Variants in RC3H1 observed in about 807,000 individuals in gnomAD.
RC3H1 encodes the protein ring finger and CCCH-type domains 1, also known as roquin-1.
In RC3H1, 50 loss-of-function variants were observed where a neutral mutation model predicts 138.2. The ratio of observed to expected loss-of-function variants is 0.36; its 90% CI spans 0.29 to 0.46. RC3H1 has a LOEUF of 0.46. Ranked by LOEUF, RC3H1 falls within the 20% of genes least tolerant of loss-of-function variation. The pLI is 1.00. For synonymous variants in RC3H1, 462 were observed against 489.1 expected (o/e 0.94, Z 0.73); for missense variants, 1,031 against 1,388.1 (o/e 0.74, Z 4.09).
rs1337084051 is a variant in RC3H1, at chr1:173,961,914, A to G, written c.2013T>C (p.Asp671=). 6.2e-7 allele frequency: 1 copy of G among 1,614,152 alleles called. No homozygotes were observed. The highest frequency in any genetic ancestry group is 1.3e-5 in the African/African-American group (1 of 75,048). ...QYPPIYPSHY[D]GRRVYPAPSY... is the part of the protein sequence containing the mutation. ...ACGGAGCAGGGTACACTCGACGGCC[A>G]TCATAGTGAGATGGGTATATAGGTG... is the stretch of plus-strand genomic sequence containing the variant. The change falls in exon 12 of 20, where the codon GAT becomes GAC. Residue 671 remains aspartate, a synonymous_variant. Coordinates refer to ENST00000367696, the MANE Select transcript of RC3H1 (RefSeq NM_172071.4).
At chr1:173,951,218 G>A (rs750486456) in intron 14 of RC3H1, among the ~76,000 whole-genome samples, 17 of 152,066 alleles carry the variant, frequency 1.1e-4, no homozygotes, top group African/African-American at 2.2e-4. Context: ...CCAGCTACTC[G>A]GGAGGCTGAG....
chr1:174,019,189 A>G (rs1157115076), intron 1 of RC3H1, among the ~76,000 whole-genome samples: 10 of 152,212 alleles, frequency 6.6e-5, no homozygotes, highest in Admixed American at 6.5e-4. Context: ...TAGCATTCAG[A>G]TATGCTAAAA....
chr1:173,936,351 T>A lies in RC3H1; in HGVS notation c.*2370A>T, dbSNP rs1419430621. 1 of 151,034 alleles carries A rather than the reference T, an allele frequency of 6.6e-6. No individual in the cohort carries two copies. Among genetic ancestry groups the A allele is most frequent in the African/African-American group, 2.4e-5 (1 of 41,196 alleles). 9.4% of individuals were successfully genotyped at this position (151,034 alleles called of 1,614,324 possible). A position where few individuals can be genotyped will look rare whatever the true frequency, so the allele number is the denominator to read the frequency against. On this transcript the variant is annotated 3_prime_UTR_variant, in exon 20 of 20. Transcript: ENST00000367696. ...CAGTCCAAATCTGCTTATAAGAAGG[T>A]TGTAGTACAAAAATTAGCTGGACGT...
At chr1:173,950,879 T>C (rs1012422584) in intron 14 of RC3H1, among the ~76,000 whole-genome samples, 16 of 151,352 alleles carry the variant, frequency 1.1e-4, no homozygotes, top group Admixed American at 1.1e-3. Context: ...AACATTTTTT[T>C]AAAAAAATTA....
chr1:174,013,016 A>C (rs1484048454), intron 1 of RC3H1, among the ~76,000 whole-genome samples: 1 of 152,016 alleles, frequency 6.6e-6, no homozygotes, highest in African/African-American at 2.4e-5. Context: ...AGGATCAAAA[A>C]CAAAATAAAA....
intron 1 of RC3H1, chr1:174,009,413 C>G (rs892843845): frequency 1.3e-5 from 2 of 152,204 alleles, no homozygotes; most frequent in African/African-American, 4.8e-5. Flanking sequence ...CCTCTGCTAT[C>G]CAACCACATG....
At chr1:174,019,824 T>A (rs1345699016) in intron 1 of RC3H1, among the ~76,000 whole-genome samples, 1 of 152,120 alleles carries the variant, frequency 6.6e-6, no homozygotes, top group Non-Finnish European at 1.5e-5. Context: ...CCCTAAATTT[T>A]TTTCCTATTG....
chr1:174,005,090 T>TA, intron 1 of RC3H1, among the ~76,000 whole-genome samples: 1 of 152,182 alleles, frequency 6.6e-6, no homozygotes, highest in Middle Eastern at 3.2e-3. Flanking sequence ...GGCCCTGACT[T>TA]ACTTTCAACA....
rs1164872218 is a variant in RC3H1 at position 173,936,484 on chromosome 1, A to T, written c.*2237T>A. The T allele has an allele frequency of 2.3e-5, 3 of 132,660 alleles. No individual in the cohort carries two copies. The highest frequency in any genetic ancestry group is 4.6e-5 in the Non-Finnish European group (3 of 64,860). The allele number at this position is 132,660 out of a possible 1,614,324, so 8.2% of individuals were successfully genotyped here. A position where few individuals can be genotyped will look rare whatever the true frequency, so the allele number is the denominator to read the frequency against. Reference sequence around the variant, plus strand: ...AGCCGAGATCAACCCACTGCACTCCAGCCTGGGCAACAGAAGCAGACTCCC... The same window carrying T: ...AGCCGAGATCAACCCACTGCACTCCTGCCTGGGCAACAGAAGCAGACTCCC... On this transcript the variant is annotated 3_prime_UTR_variant, in exon 20 of 20. Transcript: ENST00000367696.
chr1:173,946,582 G>A lies in RC3H1; in HGVS notation c.2855C>T (p.Ala952Val), dbSNP rs1659146869. The A allele has an allele frequency of 6.2e-7, 1 of 1,613,884 alleles. No individual in the cohort carries two copies. The stretch of plus-strand genomic sequence containing the variant: ...AGATGGAAGGGGTTTTCCATGACTG[G>A]CCACTTCTGACATAGATATTCTCTC... Reference protein sequence around the residue: ...ERERISMSEVASHGKPLPSAE... With the variant: ...ERERISMSEVVSHGKPLPSAE... The change falls in exon 17 of 20, where the codon GCC becomes GTC. Residue 952 changes from alanine (A) to valine (V), a missense_variant. Ala to Val is a moderately conservative substitution (Grantham distance 64, BLOSUM62 0). This residue lies in a region of RC3H1 where 716 missense variants were observed against 837.9 expected (regional missense o/e 0.85). Transcript: ENST00000367696.
At chr1:173,981,236 A>G (rs541422247) in intron 5 of RC3H1, among the ~76,000 whole-genome samples, 2 of 152,338 alleles carry the variant, frequency 1.3e-5, no homozygotes, top group Non-Finnish European at 2.9e-5. Context: ...TAGGTCTTTC[A>G]GAAAGAATAA....
chr1:173,966,920 AT>A (rs1264987989), intron 9 of RC3H1, among the ~76,000 whole-genome samples: 3 of 152,128 alleles, frequency 2.0e-5, no homozygotes, highest in African/African-American at 7.2e-5. Context: ...TAAGATTATT[AT>A]TTGCAGCAGT....
At chr1:174,012,548 C>T (rs562277685) in intron 1 of RC3H1, among the ~76,000 whole-genome samples, 1 of 152,034 alleles carries the variant, frequency 6.6e-6, no homozygotes, top group Non-Finnish European at 1.5e-5. Flanking sequence ...CTTTGGGAGG[C>T]CGGGGCAGGC....
chr1:173,984,466 TA>T, intron 3 of RC3H1, 32 bp downstream of exon 3: 1 of 1,604,014 alleles, frequency 6.2e-7, no homozygotes, highest in South Asian at 1.1e-5. Context: ...AAAGCAGTTT[TA>T]CTCTTTAAAT....
intron 19 of RC3H1, among the ~76,000 whole-genome samples, chr1:173,939,880 AAC>A (rs1658770438): frequency 1.3e-5 from 2 of 152,268 alleles, no homozygotes; most frequent in African/African-American, 4.8e-5. Flanking sequence ...GAATTAAAAA[AAC>A]AGTCAAAATC....
intron 6 of RC3H1, 152 bp downstream of exon 6, chr1:173,980,657 A>C (rs1660775495): frequency 2.4e-6 from 1 of 413,752 alleles, no homozygotes; most frequent in South Asian, 9.5e-5. Context: ...AAATGAACAA[A>C]GTGGTATTAT....
rs1387828241 is a variant in RC3H1, at chr1:173,932,054, A to G, written c.*6667T>C. The G allele has an allele frequency of 6.6e-6, 1 of 152,084 alleles. No homozygotes were observed. The highest frequency in any genetic ancestry group is 1.5e-5 in the Non-Finnish European group (1 of 67,974). The allele number at this position is 152,084 out of a possible 1,614,324, so 9.4% of individuals were successfully genotyped here. Reference sequence around the variant, plus strand: ...AGCAGGAGTATAAATTCTATCCAAAAGTGTAAGTGATTTCACTTACAACCT... The same window carrying G: ...AGCAGGAGTATAAATTCTATCCAAAGGTGTAAGTGATTTCACTTACAACCT... On this transcript the variant is annotated 3_prime_UTR_variant, in exon 20 of 20. Transcript: ENST00000367696.
chr1:173,957,618 T>C (rs1451041928), intron 13 of RC3H1, among the ~76,000 whole-genome samples: 3 of 152,142 alleles, frequency 2.0e-5, no homozygotes, highest in Non-Finnish European at 4.4e-5. Flanking sequence ...AGCACAATCA[T>C]AGCTCACTAT....
At chr1:173,941,590 C>CCACA in intron 18 of RC3H1, 1 of 439,496 alleles carries the variant, frequency 2.3e-6, no homozygotes. Context: ...GACAATAAGA[C>CCACA]AGACAATGCC....
Sources: gnomAD v4.1 joint callset for allele counts (sites outside exome capture counted in the v4.1 genomes callset) on GRCh38, gnomAD v4.1.1 for gene constraint, gnomAD v4.1.1 regional missense constraint, MANE v1.5 for transcripts, NCBI Gene and HGNC (gene_info 2026-07-23, HGNC 2026-07-21) for gene names.